The following COL15A1 variants were observed in gnomAD, a reference collection of about 807,000 sequenced individuals.
The protein encoded by COL15A1 is collagen alpha-1(XV) chain.
COL15A1 carries 111 observed loss-of-function variants against 165.9 expected under a neutral mutation model. That is an observed-to-expected ratio of 0.67 (90% CI 0.57 to 0.78). The LOEUF (loss-of-function observed/expected upper bound fraction) is 0.78, where lower values mean the gene tolerates loss of function less well. Ranked by LOEUF, COL15A1 falls within the 30% of genes least tolerant of loss-of-function variation. The probability of loss-of-function intolerance (pLI) is 0.00; values close to 1 mark genes in which losing one functional copy is unlikely to be tolerated. For missense variants in COL15A1, 1,745 were observed against 1,789.7 expected, an observed-to-expected ratio of 0.98 and a Z score of 0.45; for synonymous variants, 659 against 674.8, an observed-to-expected ratio of 0.98 and a Z score of 0.36.
chr9:98,979,971 A>G (rs1838208869), intron 2 of COL15A1, among the ~76,000 whole-genome samples: 1 of 152,112 alleles, frequency 6.6e-6, no homozygotes, highest in South Asian at 2.1e-4. Flanking sequence ...AACGTAGGCA[A>G]TATAGCGAGA....
chr9:98,987,258 G>A, intron 3 of COL15A1, 36 bp from the exon 4 acceptor site: 1 of 1,599,922 alleles, frequency 6.3e-7, no homozygotes, highest in East Asian at 2.2e-5. Flanking sequence ...CTGTGTACGT[G>A]CAAACCGTGG....
intron 16 of COL15A1, among the ~76,000 whole-genome samples, chr9:99,029,925 CA>C (rs11330165): frequency 0.22 from 24,038 of 111,402 alleles, 2,404 homozygotes; most frequent in African/African-American, 0.35. Flanking sequence ...AACTCCATCT[CA>C]AAAAAAAAAA....
rs7019613 is a variant in COL15A1, at chr9:99,052,570, T to G, written c.2950+137T>G. 2.6e-3 allele frequency: 1,935 copies of G among 743,012 alleles called. 31 individuals are homozygous for G. The African/African-American group carries it at 0.03, about 12-fold the overall frequency. The allele number at this position is 743,012 out of a possible 1,614,324, so 46.0% of individuals were successfully genotyped here. ...ATGCTGTAGGGGTGGGGATGGCAGC[T>G]GAGCCAAGGCTGTGGGGCTGTGCAC... On this transcript the variant is annotated intron_variant, in intron 31 of 41. Coordinates refer to ENST00000375001, the MANE Select transcript of COL15A1 (RefSeq NM_001855.5).
At chr9:98,993,123 C>T (rs1838476007) in intron 5 of COL15A1, among the ~76,000 whole-genome samples, 1 of 152,202 alleles carries the variant, frequency 6.6e-6, no homozygotes, top group Admixed American at 6.5e-5. Context: ...GACTTAAGCT[C>T]TCCAAGGCTC....
chr9:98,987,117 C>T (rs1394879895), intron 3 of COL15A1, among the ~76,000 whole-genome samples, 177 bp from the exon 4 acceptor site: 1 of 152,132 alleles, frequency 6.6e-6, no homozygotes, highest in Non-Finnish European at 1.5e-5. Context: ...GAGAGTCCCC[C>T]CATAACTGAG....
chr9:99,031,636 A>G (rs1839214547), intron 16 of COL15A1, among the ~76,000 whole-genome samples: 1 of 152,230 alleles, frequency 6.6e-6, no homozygotes, highest in Non-Finnish European at 1.5e-5. Context: ...CCAAAGTTTC[A>G]GAGCTGGAAG....
In COL15A1 at chr9:99,023,245, C is replaced by T. The variant is rs542537654; in HGVS notation, c.1762-112C>T. 2.5e-5 allele frequency: 33 copies of T among 1,295,664 alleles called. No individual in the cohort carries two copies. In the East Asian group the frequency reaches 4.4e-4, roughly 17 times the overall value. The allele number at this position is 1,295,664 out of a possible 1,614,324, so 80.3% of individuals were successfully genotyped here. ...AGAGAAAACGGGGAGCAGAAGTTAT[C>T]GGGCTATAGGATATAGGAAACATTT... On this transcript the variant is annotated intron_variant, in intron 13 of 41. Coordinates refer to ENST00000375001, the MANE Select transcript of COL15A1 (RefSeq NM_001855.5).
At chr9:99,036,532 T>C in intron 21 of COL15A1, 136 bp downstream of exon 21, 1 of 762,746 alleles carries the variant, frequency 1.3e-6, no homozygotes, top group Non-Finnish European at 2.1e-6. Context: ...AACTTCCACC[T>C]GCCAGCACCT....
At position 98,986,107 on chromosome 9, in the gene COL15A1, T is replaced by C; in HGVS notation, c.643T>C (p.Phe215Leu). 6.2e-7 allele frequency: 1 copy of C among 1,611,402 alleles called. No homozygotes were observed. Among genetic ancestry groups the C allele is most frequent in the Non-Finnish European group, 8.5e-7 (1 of 1,178,366 alleles). Reference sequence around the variant, plus strand: ...TGCAGGAGCTACAGGGCTCGAGAGATTCACTGTGAGTTAAAGTCCCACTCC... The same window carrying C: ...TGCAGGAGCTACAGGGCTCGAGAGACTCACTGTGAGTTAAAGTCCCACTCC... ...GNAGATGLER[F>L]TGSLQQLTVH... is the part of the protein sequence containing the mutation. Residue 215 changes from phenylalanine to leucine, a missense_variant, in exon 3 of 42, where the codon TTC (phenylalanine) becomes CTC (leucine). Phe to Leu is a conservative substitution (Grantham distance 22, BLOSUM62 0). Coordinates refer to ENST00000375001, the MANE Select transcript of COL15A1 (RefSeq NM_001855.5).
At chr9:98,956,962 A>G (rs143613326) in intron 2 of COL15A1, among the ~76,000 whole-genome samples, 6 of 152,338 alleles carry the variant, frequency 3.9e-5, no homozygotes, top group East Asian at 3.9e-4. Flanking sequence ...ACCCTTTGCC[A>G]TCTTCCCATG....
chr9:99,026,274 G>T (rs1170650895), intron 16 of COL15A1, among the ~76,000 whole-genome samples: 1 of 152,096 alleles, frequency 6.6e-6, no homozygotes, highest in African/African-American at 2.4e-5. Flanking sequence ...TGGTATGATT[G>T]GTCAGTGCCA....
At chr9:99,015,925 C>A in intron 10 of COL15A1, 51 bp from the exon 11 acceptor site, 3 of 1,593,112 alleles carry the variant, frequency 1.9e-6, no homozygotes, top group Non-Finnish European at 2.6e-6. Flanking sequence ...AACTCCCTGG[C>A]AGCCTCATGA....
chr9:98,962,761 T>C (rs776725624), intron 2 of COL15A1, among the ~76,000 whole-genome samples: 39 of 152,334 alleles, frequency 2.6e-4, no homozygotes, highest in Non-Finnish European at 5.0e-4. Context: ...TGTCTACAGA[T>C]ACCTAACACC....
Position 98,943,967 on chromosome 9 carries a change from C to A in COL15A1, c.-95C>A. ...TTGTTCCCTGCAGGAAGGGCGAGCG[C>A]GGCGGCCAGCGCTCAGCGACCCTTC... is the stretch of plus-strand genomic sequence containing the variant. On this transcript the variant is annotated 5_prime_UTR_variant, in exon 1 of 42. Transcript: ENST00000375001. The A allele has an allele frequency of 6.5e-7, 1 of 1,543,352 alleles. No individual in the cohort carries two copies. Among genetic ancestry groups the A allele is most frequent in the Non-Finnish European group, 8.8e-7 (1 of 1,131,694 alleles).
intron 14 of COL15A1, among the ~76,000 whole-genome samples, chr9:99,024,633 C>T (rs1418630971): frequency 3.3e-5 from 5 of 152,210 alleles, no homozygotes; most frequent in East Asian, 1.9e-4. Context: ...GGAGAAAACA[C>T]GATATGATGG....
At position 99,070,423 on chromosome 9, in the gene COL15A1, T is replaced by C; in HGVS notation, c.*537T>C. The C allele has an allele frequency of 3.4e-6, 1 of 293,322 alleles. No homozygotes were observed. The highest frequency in any genetic ancestry group is 6.8e-6 in the Non-Finnish European group (1 of 148,106). 18.2% of individuals were successfully genotyped at this position (293,322 alleles called of 1,614,324 possible). On this transcript the variant is annotated 3_prime_UTR_variant, in exon 42 of 42. Coordinates refer to ENST00000375001, the MANE Select transcript of COL15A1 (RefSeq NM_001855.5). ...ATTTTCTGATGCTATCAGACTCTAATGTTTTTTTCCCTAAAATATTATTGC... is the reference window on the plus strand; with the variant it reads ...ATTTTCTGATGCTATCAGACTCTAACGTTTTTTTCCCTAAAATATTATTGC...
chr9:98,961,076 G>C (rs1201797752), intron 2 of COL15A1, among the ~76,000 whole-genome samples: 1 of 152,236 alleles, frequency 6.6e-6, no homozygotes. Flanking sequence ...ATTCATTCCA[G>C]AGTTTCTGCC....
intron 2 of COL15A1, among the ~76,000 whole-genome samples, chr9:98,945,149 A>G (rs188479039): frequency 2.0e-5 from 3 of 152,374 alleles, no homozygotes; most frequent in Admixed American, 1.3e-4. Context: ...TTACTGCTTG[A>G]TTCTTGCAGT....
chr9:99,066,599 GTTTTTTTT>G lies in COL15A1; in HGVS notation c.3652-265_3652-258del, dbSNP rs67961829. 3.5e-4 allele frequency among the ~76,000 whole-genome samples: 25 copies of G among 71,038 alleles called. 1 individual carries two copies. Among genetic ancestry groups the G allele is most frequent in the Admixed American group, 9.6e-4 (6 of 6,254 alleles). The allele number at this position is 71,038 out of a possible 152,430, so 46.6% of individuals were successfully genotyped here. ...TTTGGTCCAAGCAATATTTTGTTCT[GTTTTTTTT>G]TTTTTTTTTTTTTTTTTCACCTAAG... On this transcript the variant is annotated intron_variant, in intron 39 of 41. Transcript: ENST00000375001.
Sources: gnomAD v4.1 joint callset for allele counts (sites outside exome capture counted in the v4.1 genomes callset) on GRCh38, gnomAD v4.1.1 for gene constraint, MANE v1.5 for transcripts, NCBI Gene and HGNC (gene_info 2026-07-23, HGNC 2026-07-21) for gene names.